Variants in NRXN3 observed in about 807,000 individuals in gnomAD.
NRXN3 encodes neurexin III.
NRXN3 carries 32 observed loss-of-function variants against 137.6 expected under a neutral mutation model. That is an observed-to-expected ratio of 0.23 (90% CI 0.18 to 0.31). The LOEUF (loss-of-function observed/expected upper bound fraction) is 0.31. Ranked by LOEUF, NRXN3 falls within the 10% of genes least tolerant of loss-of-function variation. NRXN3 has a pLI of 1.00. For synonymous variants in NRXN3, 798 were observed against 784.5 expected (o/e 1.02, Z -0.29); for missense variants, 1,574 against 2,062.5 (o/e 0.76, Z 4.59).
At position 78,943,622 on chromosome 14, in the gene NRXN3, ATAT is replaced by A. The variant is rs539763499; in HGVS notation, c.2276-13619_2276-13617del. ...GCAAGATCACTGTTAAAAAAAAAAA[ATAT>A]ATATATATATATATATATATATATA... On this transcript the variant is annotated intron_variant, in intron 10 of 20. Transcript: ENST00000335750. Among the ~76,000 whole-genome samples, 117 of 24,268 alleles carry A rather than the reference ATAT, an allele frequency of 4.8e-3. 6 individuals carry two copies. Among genetic ancestry groups the A allele is most frequent in the Non-Finnish European group, 6.9e-3 (73 of 10,580 alleles). The allele number at this position is 24,268 out of a possible 152,430, so 15.9% of individuals were successfully genotyped here. A position where few individuals can be genotyped will look rare whatever the true frequency, so the allele number is the denominator to read the frequency against.
rs115765789 is a variant in NRXN3 at position 79,683,840 on chromosome 14, C to T, written c.3617-8333C>T. On this transcript the variant is annotated intron_variant, in intron 17 of 20. Coordinates refer to ENST00000335750, the MANE Select transcript of NRXN3 (RefSeq NM_001330195.2). ...TCTTAAGTGTCTTCATGACATGAGTCTAGCTTGCTCGAAATGAGTGGTCCG... is the reference window on the plus strand; with the variant it reads ...TCTTAAGTGTCTTCATGACATGAGTTTAGCTTGCTCGAAATGAGTGGTCCG... Among the ~76,000 whole-genome samples, 855 of 152,250 alleles carry T rather than the reference C, an allele frequency of 5.6e-3. 11 individuals carry two copies. Among genetic ancestry groups the T allele is most frequent in the African/African-American group, 0.019 (791 of 41,542 alleles).
At chr14:79,617,911 T>TAGC (rs1293970404) in intron 16 of NRXN3, among the ~76,000 whole-genome samples, 1 of 66,634 alleles carries the variant, frequency 1.5e-5, no homozygotes, top group East Asian at 4.8e-4. Context: ...AGGAGCTGAA[T>TAGC]AGCAGCAAAA....
intron 4 of NRXN3, among the ~76,000 whole-genome samples, chr14:78,577,708 A>G (rs1600747782): frequency 6.6e-6 from 1 of 152,062 alleles, no homozygotes; most frequent in South Asian, 2.1e-4. Flanking sequence ...CAGGTGATCC[A>G]CCCGCCTCGG....
chr14:79,758,449 A>G (rs566801270), intron 19 of NRXN3, among the ~76,000 whole-genome samples: 5 of 152,094 alleles, frequency 3.3e-5, no homozygotes, highest in African/African-American at 1.2e-4. Context: ...GTTTTTAACA[A>G]TCAGATTTCA....
chr14:79,270,076 T>C (rs749591661), intron 15 of NRXN3, among the ~76,000 whole-genome samples: 1 of 152,090 alleles, frequency 6.6e-6, no homozygotes, highest in Non-Finnish European at 1.5e-5. Flanking sequence ...AAAAAGCAAA[T>C]GGAAAACACT....
intron 4 of NRXN3, among the ~76,000 whole-genome samples, chr14:78,440,265 C>T (rs912944728): frequency 5.3e-5 from 8 of 152,118 alleles, no homozygotes; most frequent in African/African-American, 1.9e-4. Context: ...GCTCCAGGAC[C>T]CTCAGGGAAG....
At chr14:78,617,005 C>T (rs2097353237) in intron 4 of NRXN3, among the ~76,000 whole-genome samples, 1 of 152,164 alleles carries the variant, frequency 6.6e-6, no homozygotes, top group African/African-American at 2.4e-5. Context: ...CACATGCCTG[C>T]TCACCCCCCA....
chr14:78,802,540 A>T (rs1031076386), intron 8 of NRXN3, among the ~76,000 whole-genome samples: 9 of 152,158 alleles, frequency 5.9e-5, no homozygotes, highest in Admixed American at 1.3e-4. Context: ...TAATAATAAT[A>T]AAAAAAGTCT....
chr14:78,511,146 C>A (rs1269329059), intron 4 of NRXN3, among the ~76,000 whole-genome samples: 2 of 152,086 alleles, frequency 1.3e-5, no homozygotes, highest in African/African-American at 4.8e-5. Context: ...AAAACAACAA[C>A]AACAGCAGCA....
At chr14:78,382,060 T>C (rs1196249434) in intron 4 of NRXN3, among the ~76,000 whole-genome samples, 2 of 152,194 alleles carry the variant, frequency 1.3e-5, no homozygotes, top group Non-Finnish European at 2.9e-5. Flanking sequence ...TTTCACAAGA[T>C]GTTACTACTG....
At chr14:79,071,097 G>A (rs2099687087) in intron 15 of NRXN3, among the ~76,000 whole-genome samples, 1 of 151,882 alleles carries the variant, frequency 6.6e-6, no homozygotes, top group Admixed American at 6.6e-5. Context: ...TCTTTGGACA[G>A]TGGACTTCTT....
At chr14:78,616,845 A>G (rs758254675) in intron 4 of NRXN3, among the ~76,000 whole-genome samples, 2 of 152,256 alleles carry the variant, frequency 1.3e-5, no homozygotes, top group African/African-American at 2.4e-5. Flanking sequence ...AGGGCTCAAT[A>G]AATGTTTGAA....
intron 19 of NRXN3, among the ~76,000 whole-genome samples, chr14:79,743,221 G>A (rs2098968633): frequency 6.6e-6 from 1 of 152,102 alleles, no homozygotes; most frequent in Non-Finnish European, 1.5e-5. Flanking sequence ...ACCTGTCAAG[G>A]AGCACATGCT....
intron 10 of NRXN3, among the ~76,000 whole-genome samples, chr14:78,907,548 T>C (rs1447206792): frequency 6.6e-6 from 1 of 152,084 alleles, no homozygotes; most frequent in Non-Finnish European, 1.5e-5. Context: ...ATGTGACTAC[T>C]TACAGACTGC....
At chr14:78,214,603 A>G (rs2063072662) in intron 1 of NRXN3, among the ~76,000 whole-genome samples, 1 of 152,236 alleles carries the variant, frequency 6.6e-6, no homozygotes. Context: ...AGAGGGTGGT[A>G]AATAGAATAA....
intron 15 of NRXN3, among the ~76,000 whole-genome samples, chr14:79,380,149 CTTTTTTTT>C (rs949863265): frequency 2.0e-5 from 1 of 48,948 alleles, no homozygotes; most frequent in Non-Finnish European, 4.1e-5. Context: ...TATACTTCTT[CTTTTTTTT>C]TTTTTTTTTT....
At chr14:78,877,655 T>A (rs2099117041) in intron 10 of NRXN3, among the ~76,000 whole-genome samples, 1 of 152,180 alleles carries the variant, frequency 6.6e-6, no homozygotes, top group Non-Finnish European at 1.5e-5. Flanking sequence ...CTTTTATGAA[T>A]CCATGTGTAA....
chr14:79,038,149 T>A (rs1016478075), intron 15 of NRXN3, among the ~76,000 whole-genome samples: 4 of 152,090 alleles, frequency 2.6e-5, no homozygotes, highest in East Asian at 3.9e-4. Flanking sequence ...ATATATTGAA[T>A]GTCCATTGAA....
chr14:79,381,554 T>C (rs1282834146), intron 15 of NRXN3, among the ~76,000 whole-genome samples: 2 of 152,178 alleles, frequency 1.3e-5, no homozygotes, highest in African/African-American at 4.8e-5. Context: ...GTTCTCTCAG[T>C]ACCCCTGAAA....
Sources: allele counts gnomAD v4.1 joint callset (sites outside exome capture counted in the v4.1 genomes callset), GRCh38; gene constraint gnomAD v4.1.1; transcripts MANE v1.5; gene names NCBI Gene and HGNC (gene_info 2026-07-23, HGNC 2026-07-21).